APPL2: variants seen among roughly 807,000 people sequenced by gnomAD.
The protein encoded by APPL2 is DCC-interacting protein 13-beta.
APPL2 carries 84 observed loss-of-function variants against 92.7 expected under a neutral mutation model. That is an observed-to-expected ratio of 0.91 (90% CI 0.76 to 1.09). The LOEUF is 1.09. APPL2 is among the 50% of genes least tolerant of loss of function. The pLI is 0.00. For missense variants in APPL2, 736 were observed against 824.5 expected (o/e 0.89, Z 1.31); for synonymous variants, 291 against 291.0 (o/e 1.00, Z 0.00).
intron 8 of APPL2, among the ~76,000 whole-genome samples, chr12:105,204,341 G>A (rs1385098956): frequency 6.6e-6 from 1 of 152,198 alleles, no homozygotes; most frequent in East Asian, 1.9e-4. Flanking sequence ...GTCTGACCTG[G>A]AAGCCTCCCT....
intron 4 of APPL2, 39 bp from the exon 5 acceptor site, chr12:105,211,356 A>T: frequency 7.3e-7 from 1 of 1,368,726 alleles, no homozygotes; most frequent in Non-Finnish European, 1.0e-6. Flanking sequence ...AATTAAATAC[A>T]TTATTATTAT....
At chr12:105,200,962 G>A (rs927446663) in intron 9 of APPL2, among the ~76,000 whole-genome samples, 2 of 152,050 alleles carry the variant, frequency 1.3e-5, no homozygotes, top group African/African-American at 4.8e-5. Context: ...AGGCTGGAGT[G>A]CAGTGGCATG....
chr12:105,195,362 A>G lies in APPL2; in HGVS notation c.1153-13T>C. 1 of 1,614,200 alleles carries G rather than the reference A, an allele frequency of 6.2e-7. No individual in the cohort carries two copies. The highest frequency in any genetic ancestry group is 8.5e-7 in the Non-Finnish European group (1 of 1,180,018). On this transcript the variant is annotated splice_polypyrimidine_tract_variant and intron_variant, in intron 13 of 20. Coordinates refer to ENST00000258530, the MANE Select transcript of APPL2 (RefSeq NM_018171.5). ...TGATCGCGACTGCCTAAAAATCCAC[A>G]GGAAGACACACTCAGTCCCAGGAGG... is the stretch of plus-strand genomic sequence containing the variant.
At chr12:105,185,350 G>A (rs1332776069) in intron 17 of APPL2, among the ~76,000 whole-genome samples, 1 of 152,126 alleles carries the variant, frequency 6.6e-6, no homozygotes, top group Non-Finnish European at 1.5e-5. Flanking sequence ...CCAAATGGCC[G>A]CCCAGTTTTG....
In APPL2 at chr12:105,176,889, G is replaced by A. The variant is rs949743544; in HGVS notation, c.1799C>T (p.Ser600Leu). Residue 600 changes from serine (S) to leucine (L), a missense_variant, in exon 19 of 21, where the codon TCA becomes TTA. Coordinates refer to ENST00000258530, the MANE Select transcript of APPL2 (RefSeq NM_018171.5). ...TGAAAAAGAGACCTTTTCGCCTTCTGAGTTGCTTTCAAAAATGTATGTACT... is the reference window on the plus strand; with the variant it reads ...TGAAAAAGAGACCTTTTCGCCTTCTAAGTTGCTTTCAAAAATGTATGTACT... ...SLSTYIFESN[S>L]EGEKICYAIN... 6.2e-7 allele frequency: 1 copy of A among 1,613,970 alleles called. No homozygotes were observed. The highest frequency in any genetic ancestry group is 2.2e-5 in the East Asian group (1 of 44,868).
At chr12:105,202,120 T>G (rs998927336) in intron 9 of APPL2, among the ~76,000 whole-genome samples, 1 of 152,224 alleles carries the variant, frequency 6.6e-6, no homozygotes. Flanking sequence ...GTACTTTAGC[T>G]ATCTGAATCA....
intron 17 of APPL2, among the ~76,000 whole-genome samples, chr12:105,185,906 G>GA (rs1351982882): frequency 6.6e-6 from 1 of 152,012 alleles, no homozygotes; most frequent in Non-Finnish European, 1.5e-5. Flanking sequence ...CATCCCAGAG[G>GA]AAACTCCATC....
intron 17 of APPL2, among the ~76,000 whole-genome samples, chr12:105,180,632 CTT>C (rs1242614711): frequency 2.6e-5 from 4 of 152,250 alleles, no homozygotes; most frequent in African/African-American, 9.6e-5. Context: ...TGTGTCCTCT[CTT>C]ATTTCCTTGA....
chr12:105,188,101 T>C (rs1886888936), intron 17 of APPL2, among the ~76,000 whole-genome samples, 172 bp downstream of exon 17: 1 of 152,314 alleles, frequency 6.6e-6, no homozygotes, highest in Middle Eastern at 3.4e-3. Context: ...AGATACCAGT[T>C]CTTGTCTCTA....
intron 17 of APPL2, 58 bp downstream of exon 17, chr12:105,188,215 C>CTTA: frequency 1.3e-6 from 2 of 1,577,086 alleles, no homozygotes; most frequent in Non-Finnish European, 1.7e-6. Flanking sequence ...GGTGCATTAG[C>CTTA]CTTAAAAGGG....
chr12:105,195,570 A>T lies in APPL2; in HGVS notation c.1095+15T>A, dbSNP rs775639430. On this transcript the variant is annotated intron_variant, in intron 12 of 20. Coordinates refer to ENST00000258530, the MANE Select transcript of APPL2 (RefSeq NM_018171.5). ...CACCACGTTAGGAAAGAAATATGAC[A>T]AACAAAATTTTTACCTCTTCATTTT... 6.2e-7 allele frequency: 1 copy of T among 1,614,256 alleles called. No individual in the cohort carries two copies. The highest frequency in any genetic ancestry group is 2.2e-5 in the East Asian group (1 of 44,886).
intron 9 of APPL2, among the ~76,000 whole-genome samples, chr12:105,201,499 T>C (rs1217301004): frequency 1.3e-5 from 2 of 152,082 alleles, no homozygotes; most frequent in Non-Finnish European, 2.9e-5. Context: ...AGAAGGATCC[T>C]GTCCCCAGAA....
At chr12:105,192,378 T>G (rs951192472) in intron 14 of APPL2, among the ~76,000 whole-genome samples, 9 of 152,140 alleles carry the variant, frequency 5.9e-5, no homozygotes, top group African/African-American at 2.2e-4. Context: ...AGAGTGGGTA[T>G]CTCTGTCTCC....
intron 4 of APPL2, among the ~76,000 whole-genome samples, chr12:105,212,073 C>A (rs1329931389): frequency 2.9e-5 from 4 of 140,288 alleles, no homozygotes; most frequent in Non-Finnish European, 4.5e-5. Flanking sequence ...GAGCCGAGAT[C>A]GCACCACTGC....
chr12:105,177,324 G>A, intron 17 of APPL2, 62 bp from the exon 18 acceptor site: 1 of 1,505,908 alleles, frequency 6.6e-7, no homozygotes, highest in Non-Finnish European at 9.2e-7. Context: ...TCCTAGAAGA[G>A]TTTGTAGAAG....
chr12:105,206,944 G>C (rs928645224), intron 8 of APPL2, 117 bp downstream of exon 8: 8 of 1,324,584 alleles, frequency 6.0e-6, no homozygotes, highest in Admixed American at 2.7e-5. Flanking sequence ...AAAGTAGCCA[G>C]GGAGATTGTG....
At chr12:105,216,960 C>T (rs1179043317) in intron 4 of APPL2, 109 bp downstream of exon 4, 4 of 708,650 alleles carry the variant, frequency 5.6e-6, no homozygotes, top group African/African-American at 3.6e-5. Flanking sequence ...AGTTGAGATA[C>T]CTTCTCAGAT....
intron 14 of APPL2, among the ~76,000 whole-genome samples, chr12:105,193,326 G>C (rs910718622): frequency 6.6e-6 from 1 of 152,162 alleles, no homozygotes; most frequent in African/African-American, 2.4e-5. Flanking sequence ...TGGCATATCA[G>C]AGCTAGAAGG....
At chr12:105,214,531 GC>G (rs1889498391) in intron 4 of APPL2, among the ~76,000 whole-genome samples, 1 of 152,206 alleles carries the variant, frequency 6.6e-6, no homozygotes, top group Non-Finnish European at 1.5e-5. Flanking sequence ...AGAGAGCCAC[GC>G]AGTGCATGTG....
Sources: gnomAD v4.1 joint callset for allele counts (sites outside exome capture counted in the v4.1 genomes callset) on GRCh38, gnomAD v4.1.1 for gene constraint, MANE v1.5 for transcripts, NCBI Gene and HGNC (gene_info 2026-07-23, HGNC 2026-07-21) for gene names.